The following ALG8 variants were observed in gnomAD, a reference collection of about 807,000 sequenced individuals.
ALG8 encodes ALG8 alpha-1,3-glucosyltransferase, also known as dolichyl pyrophosphate Glc1Man9GlcNAc2 alpha-1,3-glucosyltransferase.
Under a neutral mutation model 70.2 loss-of-function variants are expected in ALG8, and 48 were observed. The observed-to-expected ratio is 0.68, with a 90% CI of 0.54 to 0.87. ALG8 has a LOEUF of 0.87. ALG8 is among the 40% of genes least tolerant of loss of function. The pLI is 0.00. For synonymous variants in ALG8, 234 were observed against 229.0 expected, an observed-to-expected ratio of 1.02 and a Z score of -0.20; for missense variants, 572 against 608.7, an observed-to-expected ratio of 0.94 and a Z score of 0.64.
chr11:78,104,421 G>A lies in ALG8; in HGVS notation c.1211C>T (p.Ser404Leu), dbSNP rs146603801. The A allele has an allele frequency of 1.1e-3, 1,794 of 1,596,330 alleles. 1 individual carries two copies. The highest frequency in any genetic ancestry group is 1.4e-3 in the Non-Finnish European group (1,582 of 1,171,134). The stretch of plus-strand genomic sequence containing the variant: ...TGTTGTGGTCAGAATCAGAAAAATC[G>A]AAGCGTCTCCTGCTTTTCCCACAGA... Reference protein sequence around the residue: ...LLSVGKAGDASIFLILTTTGH... With the variant: ...LLSVGKAGDALIFLILTTTGH... The change falls in exon 11 of 13, where the codon TCG (serine) becomes TTG (leucine). Residue 404 changes from serine (S) to leucine (L), a missense_variant. Physicochemically the swap from Ser to Leu is moderately radical, Grantham distance 145. Coordinates refer to ENST00000299626, the MANE Select transcript of ALG8 (RefSeq NM_024079.5).
chr11:78,107,133 G>T (rs1365906516), intron 9 of ALG8, among the ~76,000 whole-genome samples, 187 bp from the exon 10 acceptor site: 1 of 150,338 alleles, frequency 6.7e-6, no homozygotes, highest in Admixed American at 6.6e-5. Flanking sequence ...CAACAACTCA[G>T]AAAAAATTGG....
At chr11:78,134,687 T>C (rs536956805) in intron 1 of ALG8, among the ~76,000 whole-genome samples, 12 of 152,308 alleles carry the variant, frequency 7.9e-5, no homozygotes, top group Non-Finnish European at 1.6e-4. Flanking sequence ...GCAGAGTGCA[T>C]CTCAAAAGAA....
chr11:78,117,761 G>C (rs561491636), intron 5 of ALG8, among the ~76,000 whole-genome samples: 1 of 151,664 alleles, frequency 6.6e-6, no homozygotes, highest in African/African-American at 2.4e-5. Context: ...CTGGGTGACA[G>C]AGCAAGACTC....
At position 78,109,520 on chromosome 11, in the gene ALG8, C is replaced by G. The variant is rs746092328; in HGVS notation, c.960G>C (p.Leu320Phe). 1.9e-6 allele frequency: 3 copies of G among 1,614,100 alleles called. No individual in the cohort carries two copies. Among genetic ancestry groups the G allele is most frequent in the Non-Finnish European group, 2.5e-6 (3 of 1,179,976 alleles). The change falls in exon 9 of 13, where the codon TTG (leucine) becomes TTC (phenylalanine). Residue 320 changes from leucine to phenylalanine, a missense_variant. By Grantham distance (22) the Leu-to-Phe change is conservative. Transcript: ENST00000299626. ...GGACTGTGTGTTGGAACTGCTGAAC[C>G]AAACCACTTGTCATTGAGGCCTTGG... The part of the protein sequence containing the change: ...NIPKASMTSG[L>F]VQQFQHTVLP...
chr11:78,127,378 T>C lies in ALG8; in HGVS notation c.154A>G (p.Ile52Val), dbSNP rs138293432. The stretch of plus-strand genomic sequence containing the variant: ...CTTACCTCATAATACCACTGTGATA[T>C]TGGCAAACTGTGAGTGATAGCAAGC... ...NWLAITHSLP[I>V]SQWYYEATSE... Residue 52 changes from isoleucine (I) to valine (V), a missense_variant, in exon 2 of 13, where the codon ATA becomes GTA. Transcript: ENST00000299626. The C allele has an allele frequency of 3.6e-4, 582 of 1,613,922 alleles. 4 individuals carry two copies. In the East Asian group the frequency reaches 8.5e-3, roughly 23 times the overall value.
chr11:78,104,388 T>C lies in ALG8; in HGVS notation c.1244A>G (p.Tyr415Cys). 1 of 1,601,094 alleles carries C rather than the reference T, an allele frequency of 6.2e-7. No homozygotes were observed. The highest frequency in any genetic ancestry group is 2.2e-5 in the East Asian group (1 of 44,696). Residue 415 changes from tyrosine (Y) to cysteine (C), a missense_variant, in exon 11 of 13, where the codon TAT (tyrosine) becomes TGT (cysteine). Physicochemically the swap from Tyr to Cys is radical, Grantham distance 194. Coordinates refer to ENST00000299626, the MANE Select transcript of ALG8 (RefSeq NM_024079.5). ...AGTGAAGAGCAGAGGAAAGAGGGAA[T>C]AATGTCCTGTTGTGGTCAGAATCAG... ...IFLILTTTGH[Y>C]SLFPLLFTAP... is the part of the protein sequence containing the mutation.
chr11:78,121,016 G>A (rs1363951331), intron 4 of ALG8, 49 bp downstream of exon 4: 1 of 1,420,178 alleles, frequency 7.0e-7, no homozygotes, highest in South Asian at 1.1e-5. Flanking sequence ...TCTTGTATTA[G>A]TATACATCAG....
At chr11:78,127,250 T>G (rs1292618975) in intron 2 of ALG8, 108 bp downstream of exon 2, 4 of 1,021,930 alleles carry the variant, frequency 3.9e-6, no homozygotes, top group South Asian at 1.4e-5. Flanking sequence ...GTGCTGGGAT[T>G]ACAAGCGTGA....
At chr11:78,101,331 T>C in intron 12 of ALG8, 136 bp from the exon 13 acceptor site, 1 of 783,342 alleles carries the variant, frequency 1.3e-6, no homozygotes, top group Non-Finnish European at 2.1e-6. Flanking sequence ...AAGAGTATAT[T>C]AAATTTCACA....
chr11:78,124,413 G>C (rs1860973135), intron 2 of ALG8, among the ~76,000 whole-genome samples, 199 bp from the exon 3 acceptor site: 1 of 152,054 alleles, frequency 6.6e-6, no homozygotes, highest in African/African-American at 2.4e-5. Context: ...GACCAGTCTG[G>C]GCAACATGGT....
chr11:78,135,218 G>A (rs670735), intron 1 of ALG8: 28,875 of 151,926 alleles, frequency 0.19, 3,093 homozygotes, highest in Middle Eastern at 0.29. Flanking sequence ...AGCAGGGTAT[G>A]GTAGCACACA....
chr11:78,130,962 A>G (rs1250206551), intron 1 of ALG8, among the ~76,000 whole-genome samples: 1 of 152,058 alleles, frequency 6.6e-6, no homozygotes, highest in African/African-American at 2.4e-5. Flanking sequence ...TTCTCTGATA[A>G]TTCCTGTTTC....
chr11:78,103,842 C>T (rs1859904304), intron 12 of ALG8, 138 bp downstream of exon 12: 5 of 527,286 alleles, frequency 9.5e-6, no homozygotes, highest in South Asian at 2.4e-5. Flanking sequence ...GTGATTTCTC[C>T]CTCTATTTAC....
Position 78,101,191 on chromosome 11 carries a change from C to CT in ALG8, c.1353dup (p.Glu452ArgfsTer6). 2.5e-6 allele frequency: 4 copies of CT among 1,613,556 alleles called. No individual in the cohort carries two copies. The highest frequency in any genetic ancestry group is 3.4e-6 in the Non-Finnish European group (4 of 1,179,608). ...TCCATCCAATTAAAAAGAGGTTTTT[C>CT]TTTTCTGAAGGAAAAAAGAGAGAAA... On this transcript the variant is annotated frameshift_variant, in exon 13 of 13. Transcript: ENST00000299626. LOFTEE classifies it high-confidence loss of function.
rs561408573 is a variant in ALG8, at chr11:78,114,444, G to A, written c.547-52C>T. Reference sequence around the variant, plus strand: ...CTTTAAAATTCAGGGTAAATGAAATGCAATAATGTGGTATTCTAGATTGAA... The same window carrying A: ...CTTTAAAATTCAGGGTAAATGAAATACAATAATGTGGTATTCTAGATTGAA... On this transcript the variant is annotated intron_variant, in intron 5 of 12. Transcript: ENST00000299626. 6.3e-6 allele frequency: 10 copies of A among 1,598,334 alleles called. No individual in the cohort carries two copies. In the East Asian group the frequency reaches 2.0e-4, roughly 32 times the overall value.
intron 4 of ALG8, among the ~76,000 whole-genome samples, chr11:78,120,010 G>C (rs112465605): frequency 6.6e-6 from 1 of 151,946 alleles, no homozygotes; most frequent in Non-Finnish European, 1.5e-5. Flanking sequence ...GCTGAAGCAT[G>C]AGAATCACCT....
chr11:78,119,619 C>T (rs900956576), intron 4 of ALG8, among the ~76,000 whole-genome samples: 5 of 151,848 alleles, frequency 3.3e-5, no homozygotes, highest in Admixed American at 6.6e-5. Context: ...TTAGTAGAGA[C>T]GGGGTTTCAC....
At chr11:78,122,607 G>A (rs138053947) in intron 3 of ALG8, among the ~76,000 whole-genome samples, 6 of 152,076 alleles carry the variant, frequency 3.9e-5, no homozygotes, top group Non-Finnish European at 8.8e-5. Flanking sequence ...CTCCCAAAGT[G>A]CTGGGATTAA....
intron 11 of ALG8, 94 bp downstream of exon 11, chr11:78,104,262 T>C: frequency 8.3e-7 from 1 of 1,210,214 alleles, no homozygotes; most frequent in Non-Finnish European, 1.1e-6. Context: ...ATCCAAGAGA[T>C]TTTAGAGTTG....
Sources: gnomAD v4.1 joint callset for allele counts (sites outside exome capture counted in the v4.1 genomes callset) on GRCh38, gnomAD v4.1.1 for gene constraint, MANE v1.5 for transcripts, NCBI Gene and HGNC (gene_info 2026-07-23, HGNC 2026-07-21) for gene names.